The following CTNNBIP1 variants were observed in gnomAD, a reference collection of about 807,000 sequenced individuals.
CTNNBIP1 encodes beta-catenin-interacting protein 1.
A neutral mutation model predicts 11.8 loss-of-function variants in CTNNBIP1; 7 were observed. The observed-to-expected ratio is 0.60, with a 90% CI of 0.34 to 1.12. The LOEUF (loss-of-function observed/expected upper bound fraction) is 1.12. CTNNBIP1 is among the 50% of genes most tolerant of loss of function. The probability of loss-of-function intolerance (pLI) is 0.03; values close to 1 mark genes in which losing one functional copy is unlikely to be tolerated. For synonymous variants in CTNNBIP1, 58 were observed against 43.9 expected, an observed-to-expected ratio of 1.32 and a Z score of -1.26; for missense variants, 101 against 113.4, an observed-to-expected ratio of 0.89 and a Z score of 0.50.
intron 2 of CTNNBIP1, among the ~76,000 whole-genome samples, chr1:9,880,937 G>T (rs1639068812): frequency 2.0e-5 from 3 of 152,200 alleles, no homozygotes. Context: ...GTGAGACTAG[G>T]GCTGGCTTCC....
intron 2 of CTNNBIP1, among the ~76,000 whole-genome samples, chr1:9,880,431 A>C (rs911691089): frequency 6.6e-6 from 1 of 152,198 alleles, no homozygotes; most frequent in Non-Finnish European, 1.5e-5. Flanking sequence ...TAGTGCTGCA[A>C]TAAACATAAG....
intron 5 of CTNNBIP1, among the ~76,000 whole-genome samples, chr1:9,862,107 C>A (rs2101455435): frequency 6.7e-6 from 1 of 148,660 alleles, no homozygotes; most frequent in Middle Eastern, 3.4e-3. Flanking sequence ...GTAAGGTGTT[C>A]ATTCCCTGTA....
chr1:9,900,943 T>A (rs943890785), intron 1 of CTNNBIP1, among the ~76,000 whole-genome samples: 1 of 152,184 alleles, frequency 6.6e-6, no homozygotes, highest in Non-Finnish European at 1.5e-5. Flanking sequence ...AACAGGCTCA[T>A]AGGGCCTAGC....
chr1:9,870,639 T>C (rs1334464291), intron 5 of CTNNBIP1, among the ~76,000 whole-genome samples: 1 of 152,226 alleles, frequency 6.6e-6, no homozygotes, highest in Non-Finnish European at 1.5e-5. Flanking sequence ...ATCCTGCCTG[T>C]TACCATGCTG....
At chr1:9,876,847 C>T (rs1286926306) in intron 3 of CTNNBIP1, among the ~76,000 whole-genome samples, 2 of 7,376 alleles carry the variant, frequency 2.7e-4, no homozygotes, top group Admixed American at 1.3e-3. Context: ...GCTATACATA[C>T]ACACACACAC....
intron 5 of CTNNBIP1, among the ~76,000 whole-genome samples, chr1:9,862,219 C>A (rs1336785980): frequency 6.6e-6 from 1 of 152,206 alleles, no homozygotes; most frequent in Admixed American, 6.5e-5. Flanking sequence ...AAAACCCTGA[C>A]ATATTCTCTC....
intron 1 of CTNNBIP1, among the ~76,000 whole-genome samples, chr1:9,899,651 T>G (rs1639482033): frequency 6.6e-6 from 1 of 150,788 alleles, no homozygotes; most frequent in Admixed American, 6.6e-5. Context: ...CCCAGCTACC[T>G]GGGGGGCTGA....
At chr1:9,875,261 G>A (rs902068447) in intron 3 of CTNNBIP1, among the ~76,000 whole-genome samples, 44 of 152,262 alleles carry the variant, frequency 2.9e-4, no homozygotes, top group Admixed American at 5.2e-4. Flanking sequence ...CATTCAGAGA[G>A]CCACCCCTGC....
intron 5 of CTNNBIP1, among the ~76,000 whole-genome samples, chr1:9,864,775 G>A (rs539554757): frequency 1.3e-4 from 20 of 152,326 alleles, no homozygotes; most frequent in African/African-American, 3.8e-4. Flanking sequence ...GAAGAGACCC[G>A]GAGCTCTCAG....
chr1:9,902,230 T>C (rs746052067), intron 1 of CTNNBIP1, among the ~76,000 whole-genome samples: 2 of 152,088 alleles, frequency 1.3e-5, no homozygotes, highest in African/African-American at 4.8e-5. Flanking sequence ...CTTTCCAAAG[T>C]TGGCAGCGAG....
chr1:9,856,727 G>A (rs1405181377), intron 5 of CTNNBIP1, among the ~76,000 whole-genome samples: 8 of 151,128 alleles, frequency 5.3e-5, no homozygotes, highest in Non-Finnish European at 8.9e-5. Context: ...TTGGCCAGGC[G>A]GGTCTCAAAC....
chr1:9,865,553 G>GA (rs201469745), intron 5 of CTNNBIP1, among the ~76,000 whole-genome samples: 3,143 of 149,616 alleles, frequency 0.021, 38 homozygotes, highest in Non-Finnish European at 0.032. Context: ...GCAGTGAGCC[G>GA]AGACCGCACC....
rs1202897614 is a variant in CTNNBIP1, at chr1:9,850,705, A to G, written c.*13T>C. 2 of 1,613,316 alleles carry G rather than the reference A, an allele frequency of 1.2e-6. No homozygotes were observed. The highest frequency in any genetic ancestry group is 1.3e-5 in the African/African-American group (1 of 74,904). The stretch of plus-strand genomic sequence containing the variant: ...CCCTCAACAGCATCCAGGGTGTTCC[A>G]AGGGCTTTGCAGCTACTGCCTCCGG... On this transcript the variant is annotated 3_prime_UTR_variant, in exon 6 of 6. Coordinates refer to ENST00000377263, the MANE Select transcript of CTNNBIP1 (RefSeq NM_020248.3).
chr1:9,889,114 G>A (rs1437994009), intron 1 of CTNNBIP1, among the ~76,000 whole-genome samples: 2 of 152,132 alleles, frequency 1.3e-5, no homozygotes, highest in African/African-American at 4.8e-5. Context: ...ACACACCAAA[G>A]TGCTCCAGCA....
chr1:9,890,138 T>C (rs1349827077), intron 1 of CTNNBIP1, among the ~76,000 whole-genome samples: 2 of 152,338 alleles, frequency 1.3e-5, no homozygotes, highest in African/African-American at 4.8e-5. Flanking sequence ...CCAGATCTCG[T>C]TGTCTCTCCA....
chr1:9,891,720 T>C (rs895076570), intron 1 of CTNNBIP1, among the ~76,000 whole-genome samples: 6 of 151,780 alleles, frequency 4.0e-5, no homozygotes, highest in Admixed American at 3.3e-4. Context: ...GGTAGGAGAA[T>C]TGCTTGAGGC....
At chr1:9,885,638 T>C (rs1570586970) in intron 1 of CTNNBIP1, among the ~76,000 whole-genome samples, 1 of 148,642 alleles carries the variant, frequency 6.7e-6, no homozygotes, top group East Asian at 2.0e-4. Flanking sequence ...GGCAAGACCC[T>C]GTCTCTAAAA....
At chr1:9,909,765 G>A (rs1335566078) in intron 1 of CTNNBIP1, among the ~76,000 whole-genome samples, 3 of 152,090 alleles carry the variant, frequency 2.0e-5, no homozygotes, top group African/African-American at 4.8e-5. Context: ...CGCAGGTGAG[G>A]GAAGAGGCAG....
In CTNNBIP1 at chr1:9,888,588, T is replaced by C. The variant is rs148003269; in HGVS notation, c.-143-4850A>G. On this transcript the variant is annotated intron_variant, in intron 1 of 5. Coordinates refer to ENST00000377263, the MANE Select transcript of CTNNBIP1 (RefSeq NM_020248.3). ...ATTAAGAAATGGTAATGTAAGGCGA[T>C]GGGGAGAGGCCCTGCATCTGTCTAC... Among the ~76,000 whole-genome samples, 254 of 150,246 alleles carry C rather than the reference T, an allele frequency of 1.7e-3. 1 individual carries two copies. The highest frequency in any genetic ancestry group is 5.9e-3 in the African/African-American group (242 of 41,026).
Sources: gnomAD v4.1 joint callset for allele counts (sites outside exome capture counted in the v4.1 genomes callset) on GRCh38, gnomAD v4.1.1 for gene constraint, MANE v1.5 for transcripts, NCBI Gene and HGNC (gene_info 2026-07-23, HGNC 2026-07-21) for gene names.